The following TLE5 variants were observed in gnomAD, a reference collection of about 807,000 sequenced individuals.
The protein encoded by TLE5 is TLE family member 5.
A neutral mutation model predicts 25.8 loss-of-function variants in TLE5; 7 were observed. The observed-to-expected ratio is 0.27, with a 90% CI of 0.15 to 0.51. The LOEUF is 0.51. Among genes scored for constraint, TLE5 ranks in the 20% least tolerant of loss-of-function variants. The pLI, the probability that TLE5 is intolerant of heterozygous loss-of-function variation, is 0.97. For synonymous variants in TLE5, 132 were observed against 110.5 expected (o/e 1.20, Z -1.22); for missense variants, 149 against 250.7 (o/e 0.59, Z 2.74).
chr19:3,062,086 G>T (rs1397290816), intron 1 of TLE5, 88 bp downstream of exon 1: 1 of 693,372 alleles, frequency 1.4e-6, no homozygotes, highest in Non-Finnish European at 1.9e-6. Flanking sequence ...GGGCCTGGGG[G>T]TTGGGGGGCG....
At chr19:3,056,174 T>G (rs942259332) in intron 4 of TLE5, 138 bp downstream of exon 4, 1 of 528,144 alleles carries the variant, frequency 1.9e-6, no homozygotes, top group Non-Finnish European at 3.3e-6. Context: ...GCTTAGGAGG[T>G]AACAGGATAA....
chr19:3,061,390 C>T (rs1001560866), intron 1 of TLE5, 133 bp from the exon 2 acceptor site: 2 of 587,848 alleles, frequency 3.4e-6, no homozygotes, highest in Non-Finnish European at 5.7e-6. Flanking sequence ...TGTTTACGGC[C>T]CCTGGCGCGA....
At chr19:3,061,890 G>GT (rs1439667918) in intron 1 of TLE5, among the ~76,000 whole-genome samples, 1 of 145,468 alleles carries the variant, frequency 6.9e-6, no homozygotes, top group Non-Finnish European at 1.5e-5. Flanking sequence ...GCGGGTTGGG[G>GT]GGGGGGGGCG....
Position 3,053,196 on chromosome 19 carries a change from A to C in TLE5, c.*623T>G, listed in dbSNP as rs2090188281. The C allele has an allele frequency of 6.6e-6, 1 of 152,200 alleles. No homozygotes were observed. Among genetic ancestry groups the C allele is most frequent in the Admixed American group, 6.5e-5 (1 of 15,270 alleles). 9.4% of individuals were successfully genotyped at this position (152,200 alleles called of 1,614,324 possible). A position where few individuals can be genotyped will look rare whatever the true frequency, so the allele number is the denominator to read the frequency against. ...ATCTTTATTTGGGAAGGGGAGGGGG[A>C]ATCCTGGGTCGCCCACCCTCACCCT... On this transcript the variant is annotated 3_prime_UTR_variant, in exon 7 of 7. Coordinates refer to ENST00000327141, the MANE Select transcript of TLE5 (RefSeq NM_001130.6).
intron 4 of TLE5, 199 bp from the exon 5 acceptor site, chr19:3,055,925 C>T (rs1326847072): frequency 9.2e-6 from 5 of 543,782 alleles, no homozygotes; most frequent in South Asian, 2.7e-5. Flanking sequence ...GGCTGGACAC[C>T]GGCTGTCGCC....
chr19:3,062,861 G>T, upstream of TLE5: 1 of 1,500,906 alleles, frequency 6.7e-7, no homozygotes, highest in Non-Finnish European at 9.1e-7. Context: ...CTGAGCCTTA[G>T]TTTCCTTTTC....
chr19:3,054,086 T>TGGGGGGGGGGGGCCCCC, intron 6 of TLE5, 34 bp downstream of exon 6: 8 of 1,512,698 alleles, frequency 5.3e-6, no homozygotes, highest in South Asian at 1.2e-5. Context: ...GGCCCACCTG[T>TGGGGGGGGGGGGCCCCC]CCCCCGCCCA....
Position 3,056,308 on chromosome 19 carries a change from GTACCTGTTTGTGCA to G in TLE5, c.224_234+3del. On this transcript the variant is annotated splice_donor_variant and splice_donor_region_variant and coding_sequence_variant and intron_variant, in exon 4 of 7. Transcript: ENST00000327141. LOFTEE classifies it high-confidence loss of function. ...GGAGGAGGAGGAGGAGGAGATGGGC[GTACCTGTTTGTGCA>G]TCTCGATGTTCAAGCCGTAGGACAT... The G allele has an allele frequency of 6.6e-7, 1 of 1,520,682 alleles. No individual in the cohort carries two copies. Among genetic ancestry groups the G allele is most frequent in the Non-Finnish European group, 8.8e-7 (1 of 1,131,688 alleles). 94.2% of individuals were successfully genotyped at this position (1,520,682 alleles called of 1,614,324 possible). A position where few individuals can be genotyped will look rare whatever the true frequency, so the allele number is the denominator to read the frequency against.
chr19:3,061,623 T>C (rs1214092071), intron 1 of TLE5, among the ~76,000 whole-genome samples: 1 of 150,580 alleles, frequency 6.6e-6, no homozygotes, highest in East Asian at 2.0e-4. Flanking sequence ...CCTCCCCAAG[T>C]TGGGGGGCAG....
Position 3,055,639 on chromosome 19 carries a change from C to T in TLE5, c.297+25G>A, listed in dbSNP as rs768624384. 2.4e-5 allele frequency: 37 copies of T among 1,572,338 alleles called. 1 individual carries two copies. The South Asian group carries it at 3.8e-4, about 16-fold the overall frequency. The stretch of plus-strand genomic sequence containing the variant: ...GGCAAGTGCGGGGCCCCCTCACAAC[C>T]CCTCCCCAAGGCCCTGGCTCTTACC... On this transcript the variant is annotated intron_variant, in intron 5 of 6. Coordinates refer to ENST00000327141, the MANE Select transcript of TLE5 (RefSeq NM_001130.6).
intron 2 of TLE5, chr19:3,060,902 A>C: frequency 3.7e-6 from 1 of 271,332 alleles, no homozygotes; most frequent in Admixed American, 4.3e-5. Context: ...ACTTGGGGGT[A>C]TTGGGGAGGA....
chr19:3,057,374 G>A, intron 3 of TLE5: 1 of 416,488 alleles, frequency 2.4e-6, no homozygotes, highest in Admixed American at 3.8e-5. Flanking sequence ...GTTCCTGGCT[G>A]TTGGCTTTCA....
intron 3 of TLE5, 71 bp downstream of exon 3, chr19:3,057,608 C>CGTGGTGGA (rs1368981886): frequency 1.4e-6 from 2 of 1,458,242 alleles, no homozygotes; most frequent in Non-Finnish European, 1.9e-6. Context: ...AGCAGCTGCC[C>CGTGGTGGA]GTGGTGGAGG....
chr19:3,062,893 C>T, upstream of TLE5: 4 of 1,288,718 alleles, frequency 3.1e-6, no homozygotes, highest in Non-Finnish European at 4.4e-6. Context: ...AGCGGTAATG[C>T]CGCCTTCCTG....
rs1019958677 is a variant in TLE5 at position 3,056,904 on chromosome 19, C to G, written c.190-548G>C. On this transcript the variant is annotated intron_variant, in intron 3 of 6. Coordinates refer to ENST00000327141, the MANE Select transcript of TLE5 (RefSeq NM_001130.6). The stretch of plus-strand genomic sequence containing the variant: ...AACCAAGTTCATTCCCAGGCCTTCA[C>G]GTAGTTTCTCTGTCTCTGTCTGGTG... 8 of 200,344 alleles carry G rather than the reference C, an allele frequency of 4.0e-5. No individual in the cohort carries two copies. In the South Asian group the frequency reaches 4.8e-4, roughly 12 times the overall value. The allele number at this position is 200,344 out of a possible 1,614,324, so 12.4% of individuals were successfully genotyped here. A position where few individuals can be genotyped will look rare whatever the true frequency, so the allele number is the denominator to read the frequency against.
intron 2 of TLE5, among the ~76,000 whole-genome samples, chr19:3,060,373 C>A (rs1272563220): frequency 4.6e-5 from 6 of 129,124 alleles, no homozygotes; most frequent in African/African-American, 1.8e-4. Context: ...CTCCCTGTTA[C>A]CCAGGCTGGA....
intron 2 of TLE5, among the ~76,000 whole-genome samples, chr19:3,059,734 G>C (rs1176711613): frequency 4.6e-5 from 7 of 152,154 alleles, no homozygotes; most frequent in African/African-American, 1.7e-4. Flanking sequence ...CGGCTTAGCA[G>C]AGGTCACACA....
intron 5 of TLE5, 173 bp downstream of exon 5, chr19:3,055,491 G>A: frequency 4.3e-6 from 2 of 459,960 alleles, no homozygotes; most frequent in Non-Finnish European, 7.4e-6. Context: ...AGTGTCTCTG[G>A]CCCGGGGATT....
chr19:3,062,217 G>C lies in TLE5; in HGVS notation c.-17C>G. The C allele has an allele frequency of 8.9e-7, 1 of 1,126,124 alleles. No individual in the cohort carries two copies. Among genetic ancestry groups the C allele is most frequent in the Non-Finnish European group, 1.1e-6 (1 of 918,882 alleles). The allele number at this position is 1,126,124 out of a possible 1,614,324, so 69.8% of individuals were successfully genotyped here. On this transcript the variant is annotated 5_prime_UTR_variant, in exon 1 of 7. Coordinates refer to ENST00000327141, the MANE Select transcript of TLE5 (RefSeq NM_001130.6). Reference sequence around the variant, plus strand: ...AAACATCATGTCAATCGCGGCGGGGGGCGCGGGCTGCGCCCCGGCTGTGCG... The same window carrying C: ...AAACATCATGTCAATCGCGGCGGGGCGCGCGGGCTGCGCCCCGGCTGTGCG...
Sources: allele counts gnomAD v4.1 joint callset (sites outside exome capture counted in the v4.1 genomes callset), GRCh38; gene constraint gnomAD v4.1.1; transcripts MANE v1.5; gene names NCBI Gene and HGNC (gene_info 2026-07-23, HGNC 2026-07-21).